DIAPH3: variants seen among roughly 807,000 people sequenced by gnomAD.
DIAPH3 encodes protein diaphanous homolog 3.
In DIAPH3, 117 loss-of-function variants were observed where a neutral mutation model predicts 144.3. The observed-to-expected ratio is 0.81, with a 90% CI of 0.70 to 0.95. DIAPH3 has a LOEUF of 0.95. Ranked by LOEUF, DIAPH3 falls within the 40% of genes least tolerant of loss-of-function variation. The pLI, the probability that DIAPH3 is intolerant of heterozygous loss-of-function variation, is 0.00. For missense variants in DIAPH3, 1,421 were observed against 1,412.7 expected, an observed-to-expected ratio of 1.01 and a Z score of -0.09; for synonymous variants, 519 against 488.9, an observed-to-expected ratio of 1.06 and a Z score of -0.81.
intron 4 of DIAPH3, among the ~76,000 whole-genome samples, chr13:60,087,708 T>G (rs144019899): frequency 1.7e-3 from 261 of 151,546 alleles, no homozygotes; most frequent in African/African-American, 5.9e-3. Flanking sequence ...GAAACCAGCT[T>G]GACAGGGAAA....
chr13:60,063,502 T>A (rs1282527458), intron 4 of DIAPH3, among the ~76,000 whole-genome samples: 1 of 152,210 alleles, frequency 6.6e-6, no homozygotes, highest in Non-Finnish European at 1.5e-5. Context: ...CAGAAGGTTT[T>A]CCATGAGAGG....
In DIAPH3 at chr13:59,665,845, T is replaced by A. The variant is rs1414208641; in HGVS notation, c.*739A>T. 6.6e-6 allele frequency: 1 copy of A among 152,574 alleles called. No homozygotes were observed. The highest frequency in any genetic ancestry group is 1.5e-5 in the Non-Finnish European group (1 of 68,032). The allele number at this position is 152,574 out of a possible 1,614,324, so 9.5% of individuals were successfully genotyped here. A position where few individuals can be genotyped will look rare whatever the true frequency, so the allele number is the denominator to read the frequency against. On this transcript the variant is annotated 3_prime_UTR_variant, in exon 28 of 28. Coordinates refer to ENST00000400324, the MANE Select transcript of DIAPH3 (RefSeq NM_001042517.2). ...GTCATAATTACAAGGGGAAAAATAC[T>A]CTCTTAGCCAAGATCAAGAATTTCG...
chr13:59,812,806 T>C (rs1261168819), intron 24 of DIAPH3, among the ~76,000 whole-genome samples: 2 of 152,104 alleles, frequency 1.3e-5, no homozygotes, highest in Middle Eastern at 3.2e-3. Flanking sequence ...AGATTTTCTT[T>C]TAAGCGTTCT....
At chr13:59,918,602 C>A (rs1464976985) in intron 18 of DIAPH3, among the ~76,000 whole-genome samples, 4 of 152,144 alleles carry the variant, frequency 2.6e-5, no homozygotes, top group Non-Finnish European at 4.4e-5. Flanking sequence ...CCAGCCTGGG[C>A]TGCACCACCC....
At chr13:59,854,927 C>G (rs550866912) in intron 22 of DIAPH3, among the ~76,000 whole-genome samples, 3 of 152,272 alleles carry the variant, frequency 2.0e-5, no homozygotes, top group African/African-American at 4.8e-5. Flanking sequence ...TCTTCTTCAT[C>G]ATCATCTATT....
chr13:59,774,293 C>T, intron 26 of DIAPH3, 45 bp from the exon 27 acceptor site: 1 of 1,517,958 alleles, frequency 6.6e-7, no homozygotes, highest in Non-Finnish European at 9.0e-7. Context: ...GAGGTCTGGG[C>T]ATCTCAAGAA....
intron 27 of DIAPH3, among the ~76,000 whole-genome samples, chr13:59,721,523 A>T (rs1460070395): frequency 4.6e-5 from 7 of 152,168 alleles, no homozygotes; most frequent in Admixed American, 2.6e-4. Context: ...CTTCATCTGC[A>T]TAAGAACTAG....
chr13:59,770,529 T>G (rs765923314), intron 27 of DIAPH3, among the ~76,000 whole-genome samples: 26 of 152,120 alleles, frequency 1.7e-4, no homozygotes, highest in Non-Finnish European at 3.1e-4. Context: ...AATGTACAGT[T>G]CTACAAGGTT....
intron 9 of DIAPH3, among the ~76,000 whole-genome samples, chr13:59,993,446 T>A (rs1035271169): frequency 2.6e-5 from 4 of 151,788 alleles, no homozygotes; most frequent in Non-Finnish European, 4.4e-5. Context: ...CTGATCAATA[T>A]GTTTAACCTC....
intron 2 of DIAPH3, among the ~76,000 whole-genome samples, chr13:60,117,466 T>C (rs1449517938): frequency 6.6e-6 from 1 of 152,062 alleles, no homozygotes; most frequent in African/African-American, 2.4e-5. Flanking sequence ...CCTCCTATAC[T>C]GGAATAGCAA....
chr13:59,884,171 A>G (rs2045281537), intron 20 of DIAPH3, among the ~76,000 whole-genome samples: 1 of 152,106 alleles, frequency 6.6e-6, no homozygotes, highest in South Asian at 2.1e-4. Flanking sequence ...GTTGTGAACT[A>G]TGCACGCAAA....
chr13:60,116,487 G>T (rs563097732), intron 2 of DIAPH3, among the ~76,000 whole-genome samples: 2 of 151,980 alleles, frequency 1.3e-5, no homozygotes, highest in East Asian at 3.9e-4. Context: ...AATGGGACTG[G>T]TTACCTATCT....
chr13:59,927,785 A>T (rs1424981837), intron 17 of DIAPH3, among the ~76,000 whole-genome samples: 1 of 152,160 alleles, frequency 6.6e-6, no homozygotes, highest in Non-Finnish European at 1.5e-5. Context: ...ATGTGACTTG[A>T]CACTTTTCTC....
chr13:59,731,232 A>G (rs1366786275), intron 27 of DIAPH3, among the ~76,000 whole-genome samples: 2 of 152,190 alleles, frequency 1.3e-5, no homozygotes, highest in Non-Finnish European at 2.9e-5. Flanking sequence ...TAAAGTCTAC[A>G]AGGGCATGAA....
At chr13:59,944,057 T>A (rs2048680162) in intron 17 of DIAPH3, among the ~76,000 whole-genome samples, 2 of 151,546 alleles carry the variant, frequency 1.3e-5, no homozygotes, top group South Asian at 2.1e-4. Flanking sequence ...ACAAGAAAAA[T>A]TTTAAAATTA....
chr13:60,101,164 C>T (rs1161411519), intron 3 of DIAPH3, among the ~76,000 whole-genome samples: 1 of 152,184 alleles, frequency 6.6e-6, no homozygotes, highest in Non-Finnish European at 1.5e-5. Context: ...TCCTCAGTAA[C>T]TTGAGGTATG....
At chr13:60,048,497 G>A (rs2056190806) in intron 4 of DIAPH3, among the ~76,000 whole-genome samples, 1 of 152,200 alleles carries the variant, frequency 6.6e-6, no homozygotes, top group Non-Finnish European at 1.5e-5. Context: ...CAACAAATGA[G>A]GGAGTGCTAC....
intron 8 of DIAPH3, 49 bp from the exon 9 acceptor site, chr13:60,008,698 C>T: frequency 8.6e-7 from 1 of 1,156,474 alleles, no homozygotes; most frequent in Admixed American, 1.7e-5. Context: ...AACACAAATG[C>T]CATAATACAA....
At chr13:60,111,561 G>A (rs1213370764) in intron 3 of DIAPH3, among the ~76,000 whole-genome samples, 1 of 152,116 alleles carries the variant, frequency 6.6e-6, no homozygotes, top group Non-Finnish European at 1.5e-5. Context: ...ATTCTCAAAG[G>A]AGCACAAACT....
Sources: allele counts gnomAD v4.1 joint callset (sites outside exome capture counted in the v4.1 genomes callset), GRCh38; gene constraint gnomAD v4.1.1; transcripts MANE v1.5; gene names NCBI Gene and HGNC (gene_info 2026-07-23, HGNC 2026-07-21).